Variants in FRMD4B observed in about 807,000 individuals in gnomAD.
FRMD4B encodes the protein FERM domain-containing protein 4B.
Under a neutral mutation model 141.5 loss-of-function variants are expected in FRMD4B, and 74 were observed. The ratio of observed to expected loss-of-function variants is 0.52; its 90% CI spans 0.43 to 0.63. The LOEUF (loss-of-function observed/expected upper bound fraction) is 0.63. Ranked by LOEUF, FRMD4B falls within the 30% of genes least tolerant of loss-of-function variation. The pLI is 0.00. For synonymous variants in FRMD4B, 506 were observed against 467.9 expected (o/e 1.08, Z -1.05); for missense variants, 1,366 against 1,253.4 (o/e 1.09, Z -1.36).
chr3:69,332,213 T>A (rs1440983780), intron 1 of FRMD4B, among the ~76,000 whole-genome samples: 1 of 152,218 alleles, frequency 6.6e-6, no homozygotes. Context: ...CCCTGGACCT[T>A]GCAGAAGAGA....
intron 9 of FRMD4B, 90 bp downstream of exon 9, chr3:69,221,768 C>A: frequency 1.3e-6 from 1 of 747,992 alleles, no homozygotes; most frequent in South Asian, 1.5e-5. Context: ...GGACTATGTT[C>A]ACAAAAACTA....
rs73112276 is a variant in FRMD4B at position 69,168,960 on chromosome 3, G to C, written c.*2901C>G. On this transcript the variant is annotated 3_prime_UTR_variant, in exon 23 of 23. Transcript: ENST00000398540. ...TTTATGAGGTAGATCAGTATGTCTT[G>C]ATACAGAGGCCCAAGATATATTAGG... Among the ~76,000 whole-genome samples the C allele has an allele frequency of 0.033, 5,008 of 151,292 alleles. 215 individuals carry two copies. Among genetic ancestry groups the C allele is most frequent in the African/African-American group, 0.1 (4,129 of 41,220 alleles).
intron 1 of FRMD4B, among the ~76,000 whole-genome samples, chr3:69,535,488 A>G (rs1172228597): frequency 6.6e-6 from 1 of 152,192 alleles, no homozygotes; most frequent in Non-Finnish European, 1.5e-5. Flanking sequence ...TTATTTGTTG[A>G]GCCTTTACAT....
At chr3:69,237,981 G>A (rs773723436) in intron 7 of FRMD4B, among the ~76,000 whole-genome samples, 11 of 152,174 alleles carry the variant, frequency 7.2e-5, no homozygotes, top group African/African-American at 1.7e-4. Flanking sequence ...ATCGGCCGGC[G>A]TTGGCCTCCT....
chr3:69,446,050 T>C (rs1040769852), intron 1 of FRMD4B, among the ~76,000 whole-genome samples: 2 of 152,184 alleles, frequency 1.3e-5, no homozygotes, highest in Non-Finnish European at 1.5e-5. Flanking sequence ...TTTTCTGAGA[T>C]GGAGTCTGAC....
At chr3:69,311,215 G>T (rs774557603) in intron 3 of FRMD4B, 48 bp downstream of exon 3, 1 of 842,378 alleles carries the variant, frequency 1.2e-6, no homozygotes. Flanking sequence ...ACAGCAAGTA[G>T]GTAGCCCAGG....
chr3:69,225,230 T>A (rs2093238956), intron 7 of FRMD4B, among the ~76,000 whole-genome samples: 1 of 152,144 alleles, frequency 6.6e-6, no homozygotes, highest in African/African-American at 2.4e-5. Context: ...AGAAGATGAC[T>A]GGAAAACGTG....
At chr3:69,343,367 C>G (rs1035652039) in intron 1 of FRMD4B, among the ~76,000 whole-genome samples, 12 of 152,274 alleles carry the variant, frequency 7.9e-5, no homozygotes, top group Admixed American at 6.5e-4. Context: ...ACTCTCGACA[C>G]TTCCTCTCTT....
chr3:69,362,956 T>C (rs1166854222), intron 1 of FRMD4B, among the ~76,000 whole-genome samples: 1 of 150,928 alleles, frequency 6.6e-6, no homozygotes, highest in Non-Finnish European at 1.5e-5. Flanking sequence ...GACCTTCAAG[T>C]CCTGAGCTTA....
At chr3:69,209,208 T>A (rs1213662539) in intron 11 of FRMD4B, among the ~76,000 whole-genome samples, 5 of 150,606 alleles carry the variant, frequency 3.3e-5, no homozygotes, top group Non-Finnish European at 7.4e-5. Context: ...CTAGAGACAA[T>A]ACCACCCAGC....
At chr3:69,339,982 T>C (rs866239795) in intron 1 of FRMD4B, among the ~76,000 whole-genome samples, 4 of 151,948 alleles carry the variant, frequency 2.6e-5, no homozygotes, top group South Asian at 2.1e-4. Context: ...CACTGCCTCA[T>C]TCCTGCCCAC....
At chr3:69,218,888 C>T (rs1444524619) in intron 9 of FRMD4B, among the ~76,000 whole-genome samples, 6 of 152,206 alleles carry the variant, frequency 3.9e-5, no homozygotes, top group African/African-American at 4.8e-5. Context: ...CCAGGCTGGG[C>T]GCGGTGGCTC....
At chr3:69,436,325 C>T (rs374812759) in intron 1 of FRMD4B, among the ~76,000 whole-genome samples, 17 of 152,182 alleles carry the variant, frequency 1.1e-4, no homozygotes, top group South Asian at 8.3e-4. Flanking sequence ...ATCAATCAGA[C>T]GGAAATATAT....
At chr3:69,362,544 G>A (rs1177424858) in intron 1 of FRMD4B, among the ~76,000 whole-genome samples, 1 of 152,152 alleles carries the variant, frequency 6.6e-6, no homozygotes, top group Non-Finnish European at 1.5e-5. Context: ...GGGCACGGTG[G>A]CGCATGCCTG....
chr3:69,324,202 C>T (rs1702106420), intron 1 of FRMD4B, among the ~76,000 whole-genome samples: 1 of 152,224 alleles, frequency 6.6e-6, no homozygotes, highest in Non-Finnish European at 1.5e-5. Flanking sequence ...CATATGTGAA[C>T]ACTCAGGGTA....
At chr3:69,188,797 A>G (rs1268003742) in intron 18 of FRMD4B, among the ~76,000 whole-genome samples, 1 of 152,024 alleles carries the variant, frequency 6.6e-6, no homozygotes, top group East Asian at 1.9e-4. Flanking sequence ...TGGGGAAGAT[A>G]AAGCAGTGGG....
At chr3:69,370,168 G>A (rs775548511) in intron 1 of FRMD4B, among the ~76,000 whole-genome samples, 1 of 150,334 alleles carries the variant, frequency 6.7e-6, no homozygotes, top group Admixed American at 6.6e-5. Flanking sequence ...CAGAAGGGCC[G>A]TTCATCCTTT....
intron 1 of FRMD4B, among the ~76,000 whole-genome samples, chr3:69,337,526 A>G (rs1446111144): frequency 6.6e-6 from 1 of 152,240 alleles, no homozygotes; most frequent in Non-Finnish European, 1.5e-5. Flanking sequence ...GGCAACCTAC[A>G]GAATGGGAGA....
At chr3:69,296,880 C>G (rs1002185316) in intron 4 of FRMD4B, among the ~76,000 whole-genome samples, 3 of 151,854 alleles carry the variant, frequency 2.0e-5, no homozygotes, top group Non-Finnish European at 4.4e-5. Flanking sequence ...TACAGATGAC[C>G]AAAAAAGAAG....
Sources: allele counts gnomAD v4.1 joint callset (sites outside exome capture counted in the v4.1 genomes callset), GRCh38; gene constraint gnomAD v4.1.1; transcripts MANE v1.5; gene names NCBI Gene and HGNC (gene_info 2026-07-23, HGNC 2026-07-21).